Variants in ARHGAP35 observed in about 807,000 individuals in gnomAD.
ARHGAP35 encodes the protein rho GTPase-activating protein 35.
Under a neutral mutation model 111.1 loss-of-function variants are expected in ARHGAP35, and 15 were observed. That is an observed-to-expected ratio of 0.13 (90% CI 0.09 to 0.21). The LOEUF (loss-of-function observed/expected upper bound fraction) is 0.21. Ranked by LOEUF, ARHGAP35 falls within the 10% of genes least tolerant of loss-of-function variation. The pLI is 1.00. For missense variants in ARHGAP35, 1,262 were observed against 1,873.0 expected, an observed-to-expected ratio of 0.67 and a Z score of 6.02; for synonymous variants, 643 against 710.3, an observed-to-expected ratio of 0.91 and a Z score of 1.51.
intron 3 of ARHGAP35, among the ~76,000 whole-genome samples, chr19:46,965,039 G>A (rs972083812): frequency 1.2e-4 from 18 of 152,124 alleles, no homozygotes; most frequent in Non-Finnish European, 2.9e-5. Flanking sequence ...TAGGCCAGGC[G>A]CGGTGGCTCA....
chr19:46,988,999 C>G lies in ARHGAP35; in HGVS notation c.3905-545C>G, dbSNP rs2056665678. 1 of 156,918 alleles carries G rather than the reference C, an allele frequency of 6.4e-6. No individual in the cohort carries two copies. The highest frequency in any genetic ancestry group is 1.4e-5 in the Non-Finnish European group (1 of 70,686). 9.7% of individuals were successfully genotyped at this position (156,918 alleles called of 1,614,324 possible). ...GTAGAGATTTCTTCGTCATCAGGAA[C>G]GCACTGAAGTATGTATGCAATGAGA... On this transcript the variant is annotated intron_variant, in intron 4 of 6. Transcript: ENST00000672722. This position sits in a 1 kb window ranked among gnomAD's most constrained non-coding sequence, Gnocchi z 5.4.
intron 3 of ARHGAP35, among the ~76,000 whole-genome samples, chr19:46,939,517 C>A (rs1446066867): frequency 6.6e-6 from 1 of 152,018 alleles, no homozygotes; most frequent in East Asian, 1.9e-4. Flanking sequence ...TCAAGCAATC[C>A]TCCCACCTCA....
chr19:46,864,024 C>G (rs534540383), intron 1 of ARHGAP35, among the ~76,000 whole-genome samples: 1 of 152,356 alleles, frequency 6.6e-6, no homozygotes, highest in East Asian at 1.9e-4. Context: ...GCCACAGGAG[C>G]TGAGTGCCTC....
Position 46,970,373 on chromosome 19 carries a change from G to A in ARHGAP35, c.3827-17616G>A, listed in dbSNP as rs574943951. 2.0e-5 allele frequency among the ~76,000 whole-genome samples: 3 copies of A among 151,984 alleles called. No individual in the cohort carries two copies. The South Asian group carries it at 6.2e-4, about 32-fold the overall frequency. On this transcript the variant is annotated intron_variant, in intron 3 of 6. Transcript: ENST00000672722. ...AGTGTAGAGCAGGTAATGTGGGGGA[G>A]AGCAAACTCACACCCCTGCAGTCTC...
intron 1 of ARHGAP35, among the ~76,000 whole-genome samples, chr19:46,914,990 A>G (rs1403392435): frequency 6.6e-6 from 1 of 152,168 alleles, no homozygotes; most frequent in African/African-American, 2.4e-5. Context: ...GGGGTCAGGA[A>G]TTGATAGAGA....
Position 46,920,470 on chromosome 19 carries a change from A to C in ARHGAP35, c.1795A>C (p.Asn599His). 1 of 1,613,992 alleles carries C rather than the reference A, an allele frequency of 6.2e-7. No homozygotes were observed. The highest frequency in any genetic ancestry group is 8.5e-7 in the Non-Finnish European group (1 of 1,179,836). The change falls in exon 2 of 7, where the codon AAC (asparagine) becomes CAC (histidine). Residue 599 changes from asparagine (N) to histidine (H), a missense_variant. Physicochemically the swap from Asn to His is moderately conservative, Grantham distance 68 (BLOSUM62 1). Around this residue, in one of 8 missense-constraint regions of ARHGAP35, gnomAD observed 328 missense variants for 440.8 expected, o/e 0.74. Coordinates refer to ENST00000672722, the MANE Select transcript of ARHGAP35 (RefSeq NM_004491.5). This position sits in a 1 kb window ranked among gnomAD's most constrained non-coding sequence, Gnocchi z 7.0. ...CTCTGACCCTAACATTGATAGAATCAACTTGGTTATATTGGGCAAAGACGG... is the reference window on the plus strand; with the variant it reads ...CTCTGACCCTAACATTGATAGAATCCACTTGGTTATATTGGGCAAAGACGG... ...SLSDPNIDRI[N>H]LVILGKDGLA...
rs1329656145 is a variant in ARHGAP35 at position 47,001,186 on chromosome 19, C to T, written c.*498C>T. 2 of 1,247,580 alleles carry T rather than the reference C, an allele frequency of 1.6e-6. No homozygotes were observed. Among genetic ancestry groups the T allele is most frequent in the African/African-American group, 1.6e-5 (1 of 64,194 alleles). 77.3% of individuals were successfully genotyped at this position (1,247,580 alleles called of 1,614,324 possible). On this transcript the variant is annotated 3_prime_UTR_variant, in exon 7 of 7. Transcript: ENST00000672722. This position sits in a 1 kb window ranked among gnomAD's most constrained non-coding sequence, Gnocchi z 5.4. The stretch of plus-strand genomic sequence containing the variant: ...GTAAGGGTACAGCCCGGCTGGCGGC[C>T]TCCTTGGGAACGTGTAGGCCACGGC...
At chr19:46,871,969 G>T (rs560709849) in intron 1 of ARHGAP35, among the ~76,000 whole-genome samples, 5 of 151,912 alleles carry the variant, frequency 3.3e-5, no homozygotes, top group Admixed American at 2.0e-4. Flanking sequence ...GACAGAGTGA[G>T]ACTCTTTGTC....
At chr19:46,933,463 A>G (rs1375025970) in intron 2 of ARHGAP35, among the ~76,000 whole-genome samples, 1 of 151,824 alleles carries the variant, frequency 6.6e-6, no homozygotes, top group Admixed American at 6.6e-5. Flanking sequence ...GCTTTTATTC[A>G]CTTACTCAGT....
chr19:46,931,780 T>TG (rs1248473933), intron 2 of ARHGAP35, among the ~76,000 whole-genome samples: 1 of 152,122 alleles, frequency 6.6e-6, no homozygotes, highest in Non-Finnish European at 1.5e-5. Flanking sequence ...GGAAAGAGCA[T>TG]GGGGCTTTGG....
chr19:46,863,548 C>A (rs1242585640), intron 1 of ARHGAP35, among the ~76,000 whole-genome samples: 3 of 152,014 alleles, frequency 2.0e-5, no homozygotes, highest in Non-Finnish European at 2.9e-5. Flanking sequence ...GATCTTTATT[C>A]TCTTTCTCAC....
At chr19:46,872,394 T>C (rs530740578) in intron 1 of ARHGAP35, among the ~76,000 whole-genome samples, 10 of 152,188 alleles carry the variant, frequency 6.6e-5, no homozygotes, top group East Asian at 3.9e-4. Flanking sequence ...GATTTTACTA[T>C]TTCTGATTCA....
intron 1 of ARHGAP35, among the ~76,000 whole-genome samples, chr19:46,877,533 C>T (rs1229325851): frequency 1.3e-5 from 2 of 151,832 alleles, no homozygotes; most frequent in African/African-American, 2.4e-5. Context: ...CATTGCACTC[C>T]AGCCTGAGCA....
chr19:46,945,885 C>T lies in ARHGAP35; in HGVS notation c.3826+8477C>T, dbSNP rs2056376600. Among the ~76,000 whole-genome samples, 1 of 152,270 alleles carries T rather than the reference C, an allele frequency of 6.6e-6. No homozygotes were observed. Among genetic ancestry groups the T allele is most frequent in the African/African-American group, 2.4e-5 (1 of 41,556 alleles). ...AACAGTGAGGAAATGATTTCCCTGG[C>T]CCCAGTCCTTTCTTAATTGGTTTGC... On this transcript the variant is annotated intron_variant, in intron 3 of 6. Transcript: ENST00000672722. This position sits in a 1 kb window ranked among gnomAD's most constrained non-coding sequence, Gnocchi z 4.1.
At chr19:46,950,675 T>C (rs1169099023) in intron 3 of ARHGAP35, among the ~76,000 whole-genome samples, 1 of 152,172 alleles carries the variant, frequency 6.6e-6, no homozygotes, top group African/African-American at 2.4e-5. Flanking sequence ...TATCACCACA[T>C]TCTTGCCCCA....
Position 46,921,748 on chromosome 19 carries a change from A to G in ARHGAP35, c.3073A>G (p.Ile1025Val). ...GGAGGGAAATGATGGGCTGTCTTTC[A>G]TTATGAGCAATTTTGAGAGTAAACT... The part of the protein sequence containing the change: ...ELEGNDGLSF[I>V]MSNFESKLNN... The change falls in exon 2 of 7, where the codon ATT (isoleucine) becomes GTT (valine). Residue 1025 changes from isoleucine (I) to valine (V), a missense_variant. Coordinates refer to ENST00000672722, the MANE Select transcript of ARHGAP35 (RefSeq NM_004491.5). The surrounding 1 kb of genome is among the most constrained non-coding windows in gnomAD (Gnocchi z 4.3). 1 of 1,614,008 alleles carries G rather than the reference A, an allele frequency of 6.2e-7. No individual in the cohort carries two copies. The highest frequency in any genetic ancestry group is 8.5e-7 in the Non-Finnish European group (1 of 1,179,890).
At chr19:46,935,580 G>A (rs1267559848) in intron 2 of ARHGAP35, among the ~76,000 whole-genome samples, 1 of 152,222 alleles carries the variant, frequency 6.6e-6, no homozygotes, top group South Asian at 2.1e-4. Flanking sequence ...CTGGCGGTTC[G>A]TTGTTTCCTT....
intron 1 of ARHGAP35, among the ~76,000 whole-genome samples, chr19:46,913,783 T>A (rs1197300449): frequency 6.6e-6 from 1 of 152,212 alleles, no homozygotes; most frequent in East Asian, 1.9e-4. Flanking sequence ...CTTTCCCCTC[T>A]GTTTTAACTC....
intron 1 of ARHGAP35, among the ~76,000 whole-genome samples, chr19:46,862,143 A>G (rs1037577916): frequency 1.3e-5 from 2 of 151,770 alleles, no homozygotes; most frequent in Non-Finnish European, 2.9e-5. Context: ...GCCCGACCTC[A>G]GATCTTGCTG....
Sources: gnomAD v4.1 joint callset for allele counts (sites outside exome capture counted in the v4.1 genomes callset) on GRCh38, gnomAD v4.1.1 for gene constraint, gnomAD v4.1.1 regional missense constraint, Gnocchi (gnomAD v3.1) non-coding constraint, MANE v1.5 for transcripts, NCBI Gene and HGNC (gene_info 2026-07-23, HGNC 2026-07-21) for gene names.